SHROOM3: variants seen among roughly 807,000 people sequenced by gnomAD.
SHROOM3 encodes protein Shroom3.
A neutral mutation model predicts 138.6 loss-of-function variants in SHROOM3; 47 were observed. That is an observed-to-expected ratio of 0.34 (90% confidence interval 0.27 to 0.43). SHROOM3 has a LOEUF of 0.43. Among genes scored for constraint, SHROOM3 ranks in the 20% least tolerant of loss-of-function variants. The pLI, the probability that SHROOM3 is intolerant of heterozygous loss-of-function variation, is 1.00. For synonymous variants in SHROOM3, 1,062 were observed against 1,063.3 expected, an observed-to-expected ratio of 1.00 and a Z score of 0.02; for missense variants, 2,491 against 2,596.5, an observed-to-expected ratio of 0.96 and a Z score of 0.88.
chr4:76,463,103 G>A (rs1277441052), intron 1 of SHROOM3, among the ~76,000 whole-genome samples: 2 of 152,204 alleles, frequency 1.3e-5, no homozygotes, highest in African/African-American at 4.8e-5. Context: ...GAACTTCCTA[G>A]AGACTTAGTG....
At chr4:76,767,626 C>T (rs1042035647) in intron 9 of SHROOM3, among the ~76,000 whole-genome samples, 4 of 151,924 alleles carry the variant, frequency 2.6e-5, no homozygotes, top group Non-Finnish European at 5.9e-5. Context: ...TGCAGTGAGC[C>T]GAGATCACGC....
chr4:76,643,315 C>T (rs962496529), intron 2 of SHROOM3, among the ~76,000 whole-genome samples: 3 of 151,922 alleles, frequency 2.0e-5, no homozygotes, highest in Non-Finnish European at 4.4e-5. Flanking sequence ...TCAATTCATC[C>T]TCAGAACACC....
intron 10 of SHROOM3, among the ~76,000 whole-genome samples, chr4:76,776,766 G>C (rs529592128): frequency 6.6e-6 from 1 of 152,260 alleles, no homozygotes; most frequent in South Asian, 2.1e-4. Flanking sequence ...ATCTTGAATA[G>C]ATTTTTGTGT....
intron 2 of SHROOM3, chr4:76,709,708 C>G (rs1474703066): frequency 3.9e-6 from 1 of 255,066 alleles, no homozygotes; most frequent in African/African-American, 2.3e-5. Flanking sequence ...GCCTGTTACA[C>G]TTGGAGATCC....
chr4:76,650,546 T>C (rs1038118456), intron 2 of SHROOM3, among the ~76,000 whole-genome samples: 48 of 151,330 alleles, frequency 3.2e-4, no homozygotes, highest in African/African-American at 1.1e-3. Context: ...TATTTATTTA[T>C]TTATTTATTT....
chr4:76,504,697 C>T lies in SHROOM3; in HGVS notation c.169-50912C>T, dbSNP rs546162954. 7.2e-5 allele frequency among the ~76,000 whole-genome samples: 11 copies of T among 152,310 alleles called. No individual in the cohort carries two copies. In the South Asian group the frequency reaches 2.3e-3, roughly 32 times the overall value. On this transcript the variant is annotated intron_variant, in intron 1 of 10. Transcript: ENST00000296043. The stretch of plus-strand genomic sequence containing the variant: ...CCCTGCCCCTAAAGTCCGATACATC[C>T]TCCCTGAAAGGGTACTTTTCTCCTT...
chr4:76,718,479 A>G (rs1047083795), intron 3 of SHROOM3, among the ~76,000 whole-genome samples: 9 of 152,200 alleles, frequency 5.9e-5, no homozygotes, highest in Non-Finnish European at 7.3e-5. Flanking sequence ...ATTTTAATGA[A>G]GTTTCTTTGC....
At chr4:76,520,070 G>A (rs989697206) in intron 1 of SHROOM3, among the ~76,000 whole-genome samples, 1 of 152,146 alleles carries the variant, frequency 6.6e-6, no homozygotes, top group African/African-American at 2.4e-5. Context: ...ATCCAGAGTG[G>A]AACTGAATAC....
intron 2 of SHROOM3, among the ~76,000 whole-genome samples, chr4:76,608,650 GC>G (rs1560563299): frequency 5.2e-4 from 11 of 21,168 alleles, no homozygotes; most frequent in South Asian, 8.2e-3. Flanking sequence ...GCATAGCATA[GC>G]ATAGCATAGC....
At chr4:76,689,424 C>A (rs1577975073) in intron 2 of SHROOM3, 1 of 718,400 alleles carries the variant, frequency 1.4e-6, no homozygotes, top group Non-Finnish European at 1.7e-6. Flanking sequence ...ACTGAGCGGG[C>A]CCGGGCGGGA....
chr4:76,578,578 G>A (rs1733984010), intron 2 of SHROOM3, among the ~76,000 whole-genome samples: 1 of 152,138 alleles, frequency 6.6e-6, no homozygotes, highest in African/African-American at 2.4e-5. Flanking sequence ...TCTGTTATCA[G>A]TTTCTCATGG....
chr4:76,729,132 A>G (rs1212641704), intron 3 of SHROOM3, among the ~76,000 whole-genome samples: 4 of 152,184 alleles, frequency 2.6e-5, no homozygotes, highest in Non-Finnish European at 4.4e-5. Flanking sequence ...AACTCCGTCA[A>G]TAGGTTCTAC....
chr4:76,581,149 C>A (rs1231483132), intron 2 of SHROOM3, among the ~76,000 whole-genome samples: 1 of 152,098 alleles, frequency 6.6e-6, no homozygotes, highest in African/African-American at 2.4e-5. Context: ...CTATTCTTAG[C>A]ACTAAATGGT....
At chr4:76,543,164 A>C (rs1733141623) in intron 1 of SHROOM3, among the ~76,000 whole-genome samples, 1 of 152,204 alleles carries the variant, frequency 6.6e-6, no homozygotes, top group African/African-American at 2.4e-5. Context: ...TAAACAGATA[A>C]GTACCTTTCC....
rs986846892 is a variant in SHROOM3, at chr4:76,782,033, C to A, written c.*2856C>A. On this transcript the variant is annotated 3_prime_UTR_variant, in exon 11 of 11. Coordinates refer to ENST00000296043, the MANE Select transcript of SHROOM3 (RefSeq NM_020859.4). ...CCACCCGCAAGGTTCCAGGAAAGGA[C>A]AATGTCCTGCGAGAAAATCAGGAGG... 1.3e-5 allele frequency: 2 copies of A among 152,220 alleles called. No individual in the cohort carries two copies. Among genetic ancestry groups the A allele is most frequent in the African/African-American group, 2.4e-5 (1 of 41,450 alleles). 9.4% of individuals were successfully genotyped at this position (152,220 alleles called of 1,614,324 possible). A position where few individuals can be genotyped will look rare whatever the true frequency, so the allele number is the denominator to read the frequency against.
chr4:76,614,346 G>C (rs983881649), intron 2 of SHROOM3, among the ~76,000 whole-genome samples: 1 of 152,132 alleles, frequency 6.6e-6, no homozygotes. Context: ...GAGCCACTGC[G>C]CCCGGTCCTA....
chr4:76,552,004 G>A (rs1397953664), intron 1 of SHROOM3, among the ~76,000 whole-genome samples: 1 of 145,962 alleles, frequency 6.9e-6, no homozygotes, highest in African/African-American at 2.6e-5. Flanking sequence ...TGGGACTACA[G>A]GCGCCCGCCA....
At chr4:76,440,262 T>C (rs1315396774) in intron 1 of SHROOM3, among the ~76,000 whole-genome samples, 1 of 152,332 alleles carries the variant, frequency 6.6e-6, no homozygotes, top group South Asian at 2.1e-4. Flanking sequence ...CAATGTTATA[T>C]GTGGGACACG....
intron 7 of SHROOM3, among the ~76,000 whole-genome samples, chr4:76,755,915 G>A (rs1462937932): frequency 6.6e-6 from 1 of 152,192 alleles, no homozygotes; most frequent in Non-Finnish European, 1.5e-5. Flanking sequence ...AAAACACATT[G>A]CCTGACAGCA....
Sources: gnomAD v4.1 joint callset for allele counts (sites outside exome capture counted in the v4.1 genomes callset) on GRCh38, gnomAD v4.1.1 for gene constraint, MANE v1.5 for transcripts, NCBI Gene and HGNC (gene_info 2026-07-23, HGNC 2026-07-21) for gene names.